Variants in SPART observed in about 807,000 individuals in gnomAD.
SPART encodes spartin, also known as spastic paraplegia 20 (Troyer syndrome).
Under a neutral mutation model 58.7 loss-of-function variants are expected in SPART, and 35 were observed. That is an observed-to-expected ratio of 0.60 (90% CI 0.46 to 0.79). SPART has a LOEUF of 0.79. SPART is among the 30% of genes least tolerant of loss of function. The probability of loss-of-function intolerance (pLI) is 0.00; values close to 1 mark genes in which losing one functional copy is unlikely to be tolerated. For synonymous variants in SPART, 284 were observed against 280.7 expected, an observed-to-expected ratio of 1.01 and a Z score of -0.12; for missense variants, 730 against 786.1, an observed-to-expected ratio of 0.93 and a Z score of 0.85.
In SPART at chr13:36,331,419, T is replaced by C. The variant is rs1399213398; in HGVS notation, c.988A>G (p.Met330Val). 1.2e-6 allele frequency: 2 copies of C among 1,614,056 alleles called. No homozygotes were observed. Among genetic ancestry groups the C allele is most frequent in the South Asian group, 1.1e-5 (1 of 91,080 alleles). The part of the protein sequence containing the change: ...RELFEDLLRQ[M>V]SDLRLQANWN... ...GTTACCTGGAGCCGAAGGTCAGACA[T>C]TTGCCTTAACAGATCCTCAAAGAGC... Residue 330 changes from methionine (M) to valine (V), a missense_variant, in exon 3 of 9, where the codon ATG becomes GTG. By Grantham distance (21) the Met-to-Val change is conservative. Coordinates refer to ENST00000438666, the MANE Select transcript of SPART (RefSeq NM_015087.5).
intron 5 of SPART, among the ~76,000 whole-genome samples, chr13:36,321,064 G>A (rs927778003): frequency 2.0e-5 from 3 of 152,140 alleles, no homozygotes; most frequent in Non-Finnish European, 4.4e-5. Context: ...GCCTGTCCTC[G>A]GAATGCTACA....
intron 1 of SPART, among the ~76,000 whole-genome samples, chr13:36,342,311 G>A (rs773519660): frequency 2.0e-5 from 3 of 152,074 alleles, no homozygotes; most frequent in Non-Finnish European, 4.4e-5. Flanking sequence ...TAGATCACCT[G>A]TTTTCTGAAA....
intron 1 of SPART, among the ~76,000 whole-genome samples, chr13:36,366,076 G>A (rs1025312227): frequency 6.6e-6 from 1 of 152,034 alleles, no homozygotes; most frequent in Non-Finnish European, 1.5e-5. Flanking sequence ...TCATTTCACC[G>A]TCCTGCTTAA....
At chr13:36,329,648 ACTT>A (rs1883279924) in intron 3 of SPART, 131 bp from the exon 4 acceptor site, 2 of 955,600 alleles carry the variant, frequency 2.1e-6, no homozygotes, top group African/African-American at 3.3e-5. Context: ...AGTAACAACT[ACTT>A]TTGCTTTTTT....
intron 1 of SPART, among the ~76,000 whole-genome samples, chr13:36,358,225 T>A (rs1885697625): frequency 6.6e-6 from 1 of 152,178 alleles, no homozygotes; most frequent in African/African-American, 2.4e-5. Context: ...GAAACTCTTG[T>A]TTTTTTGTTA....
intron 8 of SPART, among the ~76,000 whole-genome samples, chr13:36,306,292 A>AGC (rs1403811258): frequency 1.3e-5 from 2 of 152,232 alleles, no homozygotes; most frequent in African/African-American, 4.8e-5. Flanking sequence ...GTGCCTTCTC[A>AGC]TTGTCAACCA....
upstream of SPART, among the ~76,000 whole-genome samples, chr13:36,349,514 AG>A (rs1254960082): frequency 2.0e-5 from 3 of 152,208 alleles, no homozygotes; most frequent in Non-Finnish European, 4.4e-5. Context: ...ATGTGGTAGA[AG>A]GAACAAGTAA....
At chr13:36,341,396 T>C (rs1236841421) in intron 1 of SPART, among the ~76,000 whole-genome samples, 2 of 152,212 alleles carry the variant, frequency 1.3e-5, no homozygotes, top group Non-Finnish European at 2.9e-5. Context: ...TATTTCAATA[T>C]GCAGTTAATA....
At chr13:36,323,105 T>C (rs992337465) in intron 5 of SPART, among the ~76,000 whole-genome samples, 1 of 152,044 alleles carries the variant, frequency 6.6e-6, no homozygotes, top group Admixed American at 6.5e-5. Flanking sequence ...CCTAGGATGA[T>C]ATGTTGGAAT....
In SPART at chr13:36,314,270, C is replaced by T. The variant is rs148768089; in HGVS notation, c.1440G>A (p.Ala480=). 105 of 1,613,976 alleles carry T rather than the reference C, an allele frequency of 6.5e-5. No individual in the cohort carries two copies. The highest frequency in any genetic ancestry group is 2.0e-4 in the African/African-American group (15 of 74,900). ...SPAVTKGLYI[A]KQATGGAAKV... is the part of the protein sequence containing the mutation. ...TTGCTGCTCCTCCTGTAGCTTGCTT[C>T]GCTATATAAAGTCCCTTGGTGACAG... The change falls in exon 6 of 9, where the codon GCG becomes GCA. Residue 480 remains alanine, a synonymous_variant. Coordinates refer to ENST00000438666, the MANE Select transcript of SPART (RefSeq NM_015087.5).
At position 36,313,647 on chromosome 13, in the gene SPART, ATACT is replaced by A. The variant is rs560463042; in HGVS notation, c.1483+576_1483+579del. On this transcript the variant is annotated intron_variant, in intron 6 of 8. Coordinates refer to ENST00000438666, the MANE Select transcript of SPART (RefSeq NM_015087.5). The stretch of plus-strand genomic sequence containing the variant: ...TGTTTAGATGTGTTTAAATGCACAA[ATACT>A]TACCATTGTGTTACAATTTCCTATA... Among the ~76,000 whole-genome samples, 22 of 152,310 alleles carry A rather than the reference ATACT, an allele frequency of 1.4e-4. No homozygotes were observed. The East Asian group carries it at 2.1e-3, about 15-fold the overall frequency.
chr13:36,309,474 G>A (rs1880868372), intron 8 of SPART, among the ~76,000 whole-genome samples: 1 of 152,066 alleles, frequency 6.6e-6, no homozygotes, highest in Admixed American at 6.5e-5. Context: ...GCAAAGACAT[G>A]GGATCAACCT....
intron 5 of SPART, among the ~76,000 whole-genome samples, chr13:36,319,984 G>A (rs9547253): frequency 0.34 from 51,710 of 151,814 alleles, 9,528 homozygotes; most frequent in Non-Finnish European, 0.42. Flanking sequence ...TCCTAAGCAC[G>A]GTTAGCGCAG....
At chr13:36,363,291 A>G (rs895885278) in intron 1 of SPART, among the ~76,000 whole-genome samples, 2 of 152,166 alleles carry the variant, frequency 1.3e-5, no homozygotes, top group African/African-American at 4.8e-5. Flanking sequence ...GAGTATGGGA[A>G]TTAAATGGAA....
chr13:36,311,526 G>A (rs1486894538), intron 8 of SPART, among the ~76,000 whole-genome samples: 1 of 151,902 alleles, frequency 6.6e-6, no homozygotes, highest in Non-Finnish European at 1.5e-5. Context: ...GTTTTTTCAG[G>A]CAGATATCAC....
chr13:36,325,599 CAAAAT>C (rs1882853346), intron 5 of SPART, among the ~76,000 whole-genome samples: 1 of 151,886 alleles, frequency 6.6e-6, no homozygotes, highest in East Asian at 1.9e-4. Flanking sequence ...TTTTAAAAAA[CAAAAT>C]AAAAGGTATA....
At chr13:36,330,486 T>C (rs938147247) in intron 3 of SPART, among the ~76,000 whole-genome samples, 1 of 152,102 alleles carries the variant, frequency 6.6e-6, no homozygotes, top group Admixed American at 6.6e-5. Flanking sequence ...CCTGTTCTCA[T>C]ACTTTGCCCA....
At chr13:36,318,561 G>C (rs1024301251) in intron 5 of SPART, among the ~76,000 whole-genome samples, 5 of 152,076 alleles carry the variant, frequency 3.3e-5, no homozygotes, top group African/African-American at 1.2e-4. Context: ...AATTAACCTC[G>C]CCTTCAAGGT....
rs1432733006 is a variant in SPART, at chr13:36,302,467, T to C, written c.*1898A>G. ...CAGCCATAGCCAATATGTAAACAAA[T>C]GGGTACAGCTATGCTCCAATAAAAC... On this transcript the variant is annotated 3_prime_UTR_variant, in exon 9 of 9. Coordinates refer to ENST00000438666, the MANE Select transcript of SPART (RefSeq NM_015087.5). 3.9e-5 allele frequency: 6 copies of C among 152,182 alleles called. No homozygotes were observed. The East Asian group carries it at 1.2e-3, about 29-fold the overall frequency. The allele number at this position is 152,182 out of a possible 1,614,324, so 9.4% of individuals were successfully genotyped here.
Sources: gnomAD v4.1 joint callset for allele counts (sites outside exome capture counted in the v4.1 genomes callset) on GRCh38, gnomAD v4.1.1 for gene constraint, MANE v1.5 for transcripts, NCBI Gene and HGNC (gene_info 2026-07-23, HGNC 2026-07-21) for gene names.